The following CACNA1D variants were observed in gnomAD, a reference collection of about 807,000 sequenced individuals.
CACNA1D encodes voltage-dependent L-type calcium channel subunit alpha-1D.
A neutral mutation model predicts 257.1 loss-of-function variants in CACNA1D; 55 were observed. The observed-to-expected ratio is 0.21, with a 90% CI of 0.17 to 0.27. CACNA1D has a LOEUF of 0.27. Among genes scored for constraint, CACNA1D ranks in the 10% least tolerant of loss-of-function variants. The pLI is 1.00. For synonymous variants in CACNA1D, 980 were observed against 1,014.9 expected (o/e 0.97, Z 0.65); for missense variants, 1,876 against 2,784.0 (o/e 0.67, Z 7.34).
At chr3:53,550,610 CAT>C (rs951681589) in intron 3 of CACNA1D, among the ~76,000 whole-genome samples, 1 of 152,192 alleles carries the variant, frequency 6.6e-6, no homozygotes, top group African/African-American at 2.4e-5. Flanking sequence ...GGTAATTTCT[CAT>C]GTGTTCTTTG....
chr3:53,603,051 A>G (rs1371535705), intron 3 of CACNA1D, among the ~76,000 whole-genome samples: 1 of 152,190 alleles, frequency 6.6e-6, no homozygotes, highest in East Asian at 1.9e-4. Context: ...GGCACAGGTG[A>G]GGTCCCTAGA....
At chr3:53,519,228 G>A (rs2091460487) in intron 3 of CACNA1D, among the ~76,000 whole-genome samples, 2 of 152,184 alleles carry the variant, frequency 1.3e-5, no homozygotes, top group Non-Finnish European at 2.9e-5. Context: ...AGTCACAGCT[G>A]TCATTCAGGT....
chr3:53,796,528 C>G (rs766545230), intron 40 of CACNA1D: 23 of 374,714 alleles, frequency 6.1e-5, no homozygotes, highest in Non-Finnish European at 1.1e-4. Flanking sequence ...GCAAATGCAT[C>G]TAGGCAGGAG....
At chr3:53,562,882 T>G (rs1040889743) in intron 3 of CACNA1D, among the ~76,000 whole-genome samples, 10 of 152,204 alleles carry the variant, frequency 6.6e-5, no homozygotes, top group African/African-American at 2.4e-4. Flanking sequence ...GATGCTATTA[T>G]TGTTCCTTGT....
At chr3:53,760,873 G>C (rs777389486) in intron 29 of CACNA1D, among the ~76,000 whole-genome samples, 10 of 152,220 alleles carry the variant, frequency 6.6e-5, no homozygotes, top group Non-Finnish European at 1.2e-4. Flanking sequence ...GCTCTGGCTA[G>C]ATAATGGGGT....
chr3:53,782,247 T>C, intron 39 of CACNA1D: 1 of 49,542 alleles, frequency 2.0e-5, no homozygotes, highest in South Asian at 8.3e-4. Context: ...ACAGTGTGTG[T>C]GTGTGTGTGT....
At chr3:53,573,872 G>C (rs2107703766) in intron 3 of CACNA1D, among the ~76,000 whole-genome samples, 1 of 152,298 alleles carries the variant, frequency 6.6e-6, no homozygotes, top group African/African-American at 2.4e-5. Context: ...AATTTTAAGA[G>C]CACAGTTCAA....
At chr3:53,565,329 A>AAC (rs745322541) in intron 3 of CACNA1D, among the ~76,000 whole-genome samples, 139 of 150,938 alleles carry the variant, frequency 9.2e-4, no homozygotes, top group East Asian at 5.4e-3. Flanking sequence ...TTTTGACTGT[A>AAC]ACACACACAC....
chr3:53,509,135 C>T (rs978070559), intron 3 of CACNA1D, among the ~76,000 whole-genome samples: 11 of 152,200 alleles, frequency 7.2e-5, no homozygotes, highest in South Asian at 2.1e-4. Context: ...TGGTATTCTC[C>T]CAGCTGGGGT....
intron 47 of CACNA1D, 69 bp downstream of exon 47, chr3:53,810,367 G>A (rs2095590657): frequency 1.3e-6 from 2 of 1,495,464 alleles, no homozygotes; most frequent in East Asian, 4.5e-5. Flanking sequence ...TGTAACAGCA[G>A]GAAGGGCAGT....
At chr3:53,709,678 A>G (rs1369041461) in intron 9 of CACNA1D, among the ~76,000 whole-genome samples, 1 of 152,178 alleles carries the variant, frequency 6.6e-6, no homozygotes, top group Non-Finnish European at 1.5e-5. Flanking sequence ...TAGAGTGATC[A>G]TGGAATCATG....
rs1216469767 is a variant in CACNA1D, at chr3:53,811,355, G to A, written c.6435G>A (p.Gly2145=). 4 of 1,594,098 alleles carry A rather than the reference G, an allele frequency of 2.5e-6. No individual in the cohort carries two copies. Among genetic ancestry groups the A allele is most frequent in the African/African-American group, 2.7e-5 (2 of 74,382 alleles). ...PGYSDEEPDP[G]RDEEDLADEM... ...ACAGCGACGAAGAGCCAGACCCTGG[G>A]AGGGATGAGGAGGACCTGGCGGATG... Residue 2145 remains glycine, a synonymous_variant, in exon 48 of 48, where the codon GGG becomes GGA. Transcript: ENST00000350061. The surrounding 1 kb of genome is among the most constrained non-coding windows in gnomAD (Gnocchi z 4.2).
chr3:53,598,397 A>G (rs2093397728), intron 3 of CACNA1D, among the ~76,000 whole-genome samples: 1 of 151,374 alleles, frequency 6.6e-6, no homozygotes. Flanking sequence ...CCAACATGGC[A>G]CAACACCGTC....
rs775119327 is a variant in CACNA1D at position 53,497,414 on chromosome 3, A to G, written c.330A>G (p.Ser110=). ...SRPARALFCL[S]LNNPIRRACI... ...CTGCCCGCGCCCTTTTCTGTTTATC[A>G]CTCAATAACCCCATCCGAAGAGCCT... The change falls in exon 2 of 48, where the codon TCA becomes TCG. Residue 110 remains serine (S), a synonymous_variant. Transcript: ENST00000350061. The G allele has an allele frequency of 6.2e-7, 1 of 1,614,128 alleles. No individual in the cohort carries two copies. Among genetic ancestry groups the G allele is most frequent in the Non-Finnish European group, 8.5e-7 (1 of 1,180,026 alleles).
intron 2 of CACNA1D, among the ~76,000 whole-genome samples, chr3:53,499,334 A>G (rs2090487132): frequency 6.6e-6 from 1 of 151,932 alleles, no homozygotes; most frequent in Non-Finnish European, 1.5e-5. Flanking sequence ...TCTTTTTTTA[A>G]TGACAGTTTC....
At chr3:53,584,169 T>C (rs2093176898) in intron 3 of CACNA1D, among the ~76,000 whole-genome samples, 1 of 152,202 alleles carries the variant, frequency 6.6e-6, no homozygotes, top group Non-Finnish European at 1.5e-5. Context: ...GGATTGTCTG[T>C]CTATCTGGGC....
At chr3:53,756,665 A>G (rs954558165) in intron 29 of CACNA1D, among the ~76,000 whole-genome samples, 4 of 152,186 alleles carry the variant, frequency 2.6e-5, no homozygotes, top group Admixed American at 1.3e-4. Flanking sequence ...CACAAGCCCC[A>G]TTCTCCAAGC....
chr3:53,655,022 T>C (rs76257825), intron 4 of CACNA1D, among the ~76,000 whole-genome samples: 2,029 of 152,310 alleles, frequency 0.013, 25 homozygotes, highest in Non-Finnish European at 0.021. Flanking sequence ...TTTGTGTCCA[T>C]GTGTTCTCAT....
At chr3:53,749,589 AGGG>A in intron 27 of CACNA1D, 120 bp downstream of exon 27, 1 of 752,542 alleles carries the variant, frequency 1.3e-6, no homozygotes, top group Non-Finnish European at 2.4e-6. Context: ...CCCTGGGGCT[AGGG>A]CCCTGTTCTA....
Sources: allele counts gnomAD v4.1 joint callset (sites outside exome capture counted in the v4.1 genomes callset), GRCh38; gene constraint gnomAD v4.1.1; non-coding constraint Gnocchi (gnomAD v3.1); transcripts MANE v1.5; gene names NCBI Gene and HGNC (gene_info 2026-07-23, HGNC 2026-07-21).